ZC3H6: variants seen among roughly 807,000 people sequenced by gnomAD.
The protein encoded by ZC3H6 is zinc finger CCCH-type containing 6, also known as zinc finger CCCH domain-containing protein 6.
Under a neutral mutation model 107.7 loss-of-function variants are expected in ZC3H6, and 40 were observed. The observed-to-expected ratio is 0.37, with a 90% CI of 0.29 to 0.48. The LOEUF is 0.48. Among genes scored for constraint, ZC3H6 ranks in the 20% least tolerant of loss-of-function variants. ZC3H6 has a pLI of 0.98. For missense variants in ZC3H6, 1,267 were observed against 1,410.4 expected, an observed-to-expected ratio of 0.90 and a Z score of 1.63; for synonymous variants, 493 against 487.9, an observed-to-expected ratio of 1.01 and a Z score of -0.14.
At chr2:112,313,952 A>C (rs1022446715) in intron 5 of ZC3H6, among the ~76,000 whole-genome samples, 23 of 152,258 alleles carry the variant, frequency 1.5e-4, no homozygotes, top group African/African-American at 5.3e-4. Flanking sequence ...TCTTCATTTT[A>C]TTGGCCATAA....
intron 7 of ZC3H6, among the ~76,000 whole-genome samples, chr2:112,317,988 A>G (rs1676732013): frequency 6.6e-6 from 1 of 152,158 alleles, no homozygotes; most frequent in South Asian, 2.1e-4. Flanking sequence ...TTTCTTCTGG[A>G]CTTCGTGTTT....
intron 1 of ZC3H6, among the ~76,000 whole-genome samples, chr2:112,283,937 A>G (rs972164791): frequency 1.3e-5 from 2 of 152,364 alleles, no homozygotes; most frequent in African/African-American, 4.8e-5. Flanking sequence ...AAGGATGTTA[A>G]TAATCTTTAT....
chr2:112,303,501 T>G, intron 3 of ZC3H6, 150 bp downstream of exon 3: 1 of 588,024 alleles, frequency 1.7e-6, no homozygotes. Context: ...TTCTTGATCA[T>G]TCCAAACAGA....
intron 11 of ZC3H6, among the ~76,000 whole-genome samples, chr2:112,330,081 C>T (rs1346320975): frequency 6.8e-6 from 1 of 147,170 alleles, no homozygotes; most frequent in Non-Finnish European, 1.5e-5. Context: ...GAGATGGAGT[C>T]TTGCTCTGTC....
At position 112,288,273 on chromosome 2, in the gene ZC3H6, A is replaced by G. The variant is rs537040719; in HGVS notation, c.33-11576A>G. On this transcript the variant is annotated intron_variant, in intron 1 of 11. Coordinates refer to ENST00000409871, the MANE Select transcript of ZC3H6 (RefSeq NM_198581.3). ...TATTCTCTGAAGGAAAATAAGAGAA[A>G]TTTCCTCTTAGAATCCCTTCTCCTT... Among the ~76,000 whole-genome samples the G allele has an allele frequency of 3.9e-5, 6 of 152,246 alleles. No individual in the cohort carries two copies. The East Asian group carries it at 1.2e-3, about 29-fold the overall frequency.
At chr2:112,312,089 T>C (rs1676605880) in intron 5 of ZC3H6, 152 bp downstream of exon 5, 1 of 719,566 alleles carries the variant, frequency 1.4e-6, no homozygotes, top group Non-Finnish European at 2.0e-6. Context: ...CTCCAAAAAA[T>C]AGTTGTTAAT....
intron 1 of ZC3H6, chr2:112,286,430 A>G (rs1686608384): frequency 6.3e-6 from 1 of 159,918 alleles, no homozygotes; most frequent in African/African-American, 2.4e-5. Context: ...CATCTTGGCG[A>G]CCCAGCGCAT....
rs753283101 is a variant in ZC3H6 at position 112,310,092 on chromosome 2, A to C, written c.544A>C (p.Asn182His). The C allele has an allele frequency of 4.3e-6, 7 of 1,613,632 alleles. No individual in the cohort carries two copies. Among genetic ancestry groups the C allele is most frequent in the Non-Finnish European group, 5.9e-6 (7 of 1,179,728 alleles). ...KQYRQAKETSNIALGSSFSKE... is the reference protein window; with the variant it reads ...KQYRQAKETSHIALGSSFSKE... ...ATACAGGCAAGCTAAAGAAACCTCA[A>C]ATATTGCTTTAGGGTCATCATTTTC... is the stretch of plus-strand genomic sequence containing the variant. Residue 182 changes from asparagine to histidine, a missense_variant, in exon 4 of 12, where the codon AAT becomes CAT. By Grantham distance (68) the Asn-to-His change is moderately conservative. Coordinates refer to ENST00000409871, the MANE Select transcript of ZC3H6 (RefSeq NM_198581.3).
At position 112,331,373 on chromosome 2, in the gene ZC3H6, A is replaced by C; in HGVS notation, c.2455A>C (p.Lys819Gln). 6.2e-7 allele frequency: 1 copy of C among 1,613,792 alleles called. No homozygotes were observed. Among genetic ancestry groups the C allele is most frequent in the East Asian group, 2.2e-5 (1 of 44,886 alleles). The change falls in exon 12 of 12, where the codon AAA becomes CAA. Residue 819 changes from lysine (K) to glutamine (Q), a missense_variant. Transcript: ENST00000409871. The part of the protein sequence containing the change: ...HANAGTNVKH[K>Q]RGDDDDEDTE... The stretch of plus-strand genomic sequence containing the variant: ...AAATGCTGGCACTAATGTCAAACAC[A>C]AAAGAGGCGATGATGATGATGAAGA...
At chr2:112,317,367 G>A in intron 7 of ZC3H6, 35 bp downstream of exon 7, 4 of 1,192,944 alleles carry the variant, frequency 3.4e-6, no homozygotes, top group Non-Finnish European at 4.7e-6. Context: ...TAAATAAAAT[G>A]CTGGGGTTTT....
At chr2:112,285,271 A>G (rs1686586088) in intron 1 of ZC3H6, among the ~76,000 whole-genome samples, 1 of 152,182 alleles carries the variant, frequency 6.6e-6, no homozygotes, top group South Asian at 2.1e-4. Context: ...AGAAAATTTT[A>G]ACATACAAAG....
At chr2:112,324,892 G>A (rs1676877925) in intron 10 of ZC3H6, 72 bp from the exon 11 acceptor site, 24 of 1,350,080 alleles carry the variant, frequency 1.8e-5, no homozygotes, top group South Asian at 1.7e-4. Flanking sequence ...TGTGATGAAA[G>A]CTTTCATTTC....
chr2:112,281,787 A>C (rs939965690), intron 1 of ZC3H6, among the ~76,000 whole-genome samples: 3 of 152,124 alleles, frequency 2.0e-5, no homozygotes, highest in Admixed American at 6.5e-5. Flanking sequence ...ATGTGTGTCA[A>C]GAGGTATGGA....
At chr2:112,302,821 A>G (rs1558950591) in intron 2 of ZC3H6, among the ~76,000 whole-genome samples, 1 of 151,988 alleles carries the variant, frequency 6.6e-6, no homozygotes, top group Non-Finnish European at 1.5e-5. Context: ...ATGCAATAGA[A>G]TAAGAACTCC....
At chr2:112,284,917 AAAAG>A (rs1183036328) in intron 1 of ZC3H6, among the ~76,000 whole-genome samples, 1 of 152,206 alleles carries the variant, frequency 6.6e-6, no homozygotes, top group African/African-American at 2.4e-5. Context: ...TCTGAGAAAA[AAAAG>A]GAAGAAAAAA....
chr2:112,324,919 T>G, intron 10 of ZC3H6, 45 bp from the exon 11 acceptor site: 1 of 1,525,562 alleles, frequency 6.6e-7, no homozygotes, highest in Non-Finnish European at 8.9e-7. Context: ...CTGGTGAAGT[T>G]TTGTGCTCAC....
chr2:112,324,004 C>A, intron 9 of ZC3H6, 148 bp from the exon 10 acceptor site: 1 of 800,522 alleles, frequency 1.2e-6, no homozygotes, highest in Non-Finnish European at 1.9e-6. Flanking sequence ...TTCTACCTAT[C>A]GACGCTATGG....
intron 3 of ZC3H6, among the ~76,000 whole-genome samples, chr2:112,308,684 A>G (rs1676537217): frequency 6.7e-6 from 1 of 149,508 alleles, no homozygotes; most frequent in Non-Finnish European, 1.5e-5. Context: ...CACCTGCCTC[A>G]GCCTCCCAAA....
rs139189646 is a variant in ZC3H6, at chr2:112,313,728, C to T, written c.747+1791C>T. Among the ~76,000 whole-genome samples, 16 of 152,242 alleles carry T rather than the reference C, an allele frequency of 1.1e-4. No individual in the cohort carries two copies. In the East Asian group the frequency reaches 3.1e-3, roughly 29 times the overall value. ...AGAGCCCACGGAAGCAGTTCATGTT[C>T]AGGAATGGTCTGCAGGTGGCCCATC... On this transcript the variant is annotated intron_variant, in intron 5 of 11. Coordinates refer to ENST00000409871, the MANE Select transcript of ZC3H6 (RefSeq NM_198581.3).
Sources: gnomAD v4.1 joint callset for allele counts (sites outside exome capture counted in the v4.1 genomes callset) on GRCh38, gnomAD v4.1.1 for gene constraint, MANE v1.5 for transcripts, NCBI Gene and HGNC (gene_info 2026-07-23, HGNC 2026-07-21) for gene names.